The following PDE1C variants were observed in gnomAD, a reference collection of about 807,000 sequenced individuals.
PDE1C encodes phosphodiesterase 1C, also known as dual specificity calcium/calmodulin-dependent 3',5'-cyclic nucleotide phosphodiesterase 1C.
PDE1C carries 62 observed loss-of-function variants against 93.1 expected under a neutral mutation model. That is an observed-to-expected ratio of 0.67 (90% CI 0.54 to 0.82). The LOEUF (loss-of-function observed/expected upper bound fraction) is 0.82. PDE1C is among the 40% of genes least tolerant of loss of function. The probability of loss-of-function intolerance (pLI) is 0.00; values close to 1 mark genes in which losing one functional copy is unlikely to be tolerated. For missense variants in PDE1C, 742 were observed against 884.6 expected, an observed-to-expected ratio of 0.84 and a Z score of 2.04; for synonymous variants, 325 against 310.1, an observed-to-expected ratio of 1.05 and a Z score of -0.50.
At chr7:32,402,316 C>T (rs1784961789) in intron 1 of PDE1C, among the ~76,000 whole-genome samples, 2 of 152,058 alleles carry the variant, frequency 1.3e-5, no homozygotes, top group South Asian at 2.1e-4. Flanking sequence ...CCATAAGCTG[C>T]CTCTGCAAAC....
chr7:32,083,957 A>C (rs1032495734), intron 3 of PDE1C, among the ~76,000 whole-genome samples: 5 of 151,226 alleles, frequency 3.3e-5, no homozygotes, highest in African/African-American at 9.7e-5. Context: ...CGAGCAAAAT[A>C]ACCAGCTAAC....
intron 1 of PDE1C, among the ~76,000 whole-genome samples, chr7:32,286,915 G>A (rs1234340494): frequency 1.3e-5 from 2 of 152,104 alleles, no homozygotes; most frequent in African/African-American, 4.8e-5. Context: ...AATGAATTAA[G>A]TAATTAGGAA....
At chr7:31,947,000 G>A (rs1162501509) in intron 2 of PDE1C, among the ~76,000 whole-genome samples, 1 of 152,190 alleles carries the variant, frequency 6.6e-6, no homozygotes. Flanking sequence ...CTATATAATT[G>A]TTGCGTAGTT....
At chr7:31,906,940 G>A (rs1375088802) in intron 2 of PDE1C, among the ~76,000 whole-genome samples, 1 of 152,128 alleles carries the variant, frequency 6.6e-6, no homozygotes, top group Non-Finnish European at 1.5e-5. Context: ...ACGAATGCAC[G>A]TGTGTATATA....
chr7:32,162,234 C>T (rs1237884377), intron 3 of PDE1C, among the ~76,000 whole-genome samples: 1 of 152,148 alleles, frequency 6.6e-6, no homozygotes, highest in Non-Finnish European at 1.5e-5. Flanking sequence ...CATGTTCCCT[C>T]CCACTAGAGC....
At chr7:31,870,131 A>T (rs1460578740) in intron 6 of PDE1C, among the ~76,000 whole-genome samples, 3 of 152,176 alleles carry the variant, frequency 2.0e-5, no homozygotes, top group African/African-American at 7.2e-5. Flanking sequence ...TTTTAGCAAT[A>T]AATGTGTACA....
intron 2 of PDE1C, among the ~76,000 whole-genome samples, chr7:32,034,940 G>A (rs1170246056): frequency 6.6e-6 from 1 of 152,050 alleles, no homozygotes; most frequent in African/African-American, 2.4e-5. Flanking sequence ...CAGTGCCAAG[G>A]ACATGATTAT....
chr7:32,081,790 C>T (rs1221479024), intron 3 of PDE1C, among the ~76,000 whole-genome samples: 1 of 152,004 alleles, frequency 6.6e-6, no homozygotes, highest in African/African-American at 2.4e-5. Context: ...GAGGGCTGGT[C>T]ATTGACTGCT....
At chr7:32,295,200 A>G (rs1290798746) in intron 1 of PDE1C, among the ~76,000 whole-genome samples, 1 of 152,236 alleles carries the variant, frequency 6.6e-6, no homozygotes, top group Non-Finnish European at 1.5e-5. Flanking sequence ...GTTTTGCTCC[A>G]GCCTTGGCTG....
intron 2 of PDE1C, among the ~76,000 whole-genome samples, chr7:31,955,609 A>ACTC (rs1280321505): frequency 6.6e-6 from 1 of 152,086 alleles, no homozygotes; most frequent in African/African-American, 2.4e-5. Flanking sequence ...AAAAATTCCA[A>ACTC]CTCCTAGTAA....
chr7:32,313,473 ATTCACAAT>A (rs1783099294), intron 1 of PDE1C, among the ~76,000 whole-genome samples: 1 of 152,140 alleles, frequency 6.6e-6, no homozygotes, highest in East Asian at 1.9e-4. Context: ...TTGCAGCACT[ATTCACAAT>A]AGCAAAGACT....
the PDE1C span, among the ~76,000 whole-genome samples, chr7:31,619,412 T>C: frequency 6.6e-6 from 1 of 152,218 alleles, no homozygotes; most frequent in Non-Finnish European, 1.5e-5. Flanking sequence ...ATTAATTAGT[T>C]TTCTATGTAA....
chr7:32,149,821 A>G (rs1459663424), intron 3 of PDE1C, among the ~76,000 whole-genome samples: 1 of 152,150 alleles, frequency 6.6e-6, no homozygotes, highest in African/African-American at 2.4e-5. Flanking sequence ...ATAACAAAAA[A>G]CTTCTTTTAA....
chr7:31,784,479 A>G (rs2128644258), intron 16 of PDE1C: 1 of 152,212 alleles, frequency 6.6e-6, no homozygotes, highest in African/African-American at 2.4e-5. Flanking sequence ...ACTTTCCCAT[A>G]CGAATTGCAT....
At chr7:31,618,400 C>A in the PDE1C span, among the ~76,000 whole-genome samples, 1 of 152,166 alleles carries the variant, frequency 6.6e-6, no homozygotes, top group Non-Finnish European at 1.5e-5. Context: ...ACTAATTAGG[C>A]TATTGAAGAA....
intron 2 of PDE1C, among the ~76,000 whole-genome samples, chr7:31,956,919 A>G (rs1808229551): frequency 6.6e-6 from 1 of 152,088 alleles, no homozygotes; most frequent in African/African-American, 2.4e-5. Flanking sequence ...TTCCGTATGC[A>G]GAAGAGATTT....
In PDE1C at chr7:32,311,605, C is replaced by G. The variant is rs546542135; in HGVS notation, c.311-102066G>C. On this transcript the variant is annotated intron_variant, in intron 1 of 1. Transcript: ENST00000672256. ...GGATGCAAGGCTGGTTCAATATACG[C>G]AAATCAATAAATGTAATCCAGCATA... Among the ~76,000 whole-genome samples, 445 of 152,160 alleles carry G rather than the reference C, an allele frequency of 2.9e-3. 2 individuals are homozygous for G. The highest frequency in any genetic ancestry group is 4.9e-3 in the Non-Finnish European group (331 of 68,012).
chr7:32,122,886 G>C (rs1799373848), intron 3 of PDE1C, among the ~76,000 whole-genome samples: 1 of 152,076 alleles, frequency 6.6e-6, no homozygotes, highest in Non-Finnish European at 1.5e-5. Flanking sequence ...GAAGGAGACA[G>C]AGACATGGAA....
chr7:31,835,097 A>AT (rs140096503), intron 11 of PDE1C, among the ~76,000 whole-genome samples: 11,805 of 152,114 alleles, frequency 0.078, 548 homozygotes, highest in East Asian at 0.2. Context: ...CGTGCAAGAC[A>AT]TCTCTTTACT....
Sources: allele counts gnomAD v4.1 joint callset (sites outside exome capture counted in the v4.1 genomes callset), GRCh38; gene constraint gnomAD v4.1.1; transcripts MANE v1.5; gene names NCBI Gene and HGNC (gene_info 2026-07-23, HGNC 2026-07-21).